The following SLC40A1 variants were observed in gnomAD, a reference collection of about 807,000 sequenced individuals.
The protein encoded by SLC40A1 is solute carrier family 40 member 1, also known as ferroportin.
A neutral mutation model predicts 53.5 loss-of-function variants in SLC40A1; 16 were observed. The ratio of observed to expected loss-of-function variants is 0.30; its 90% CI spans 0.20 to 0.45. The LOEUF is 0.45. SLC40A1 is among the 20% of genes least tolerant of loss of function. SLC40A1 has a pLI of 1.00. For missense variants in SLC40A1, 545 were observed against 695.4 expected (o/e 0.78, Z 2.43); for synonymous variants, 247 against 253.2 (o/e 0.98, Z 0.23).
Position 189,572,083 on chromosome 2 carries a change from AAT to A in SLC40A1, c.388-244_388-243del, listed in dbSNP as rs1193521763. Among the ~76,000 whole-genome samples the A allele has an allele frequency of 3.9e-5, 6 of 152,234 alleles. No homozygotes were observed. The East Asian group carries it at 1.2e-3, about 29-fold the overall frequency. On this transcript the variant is annotated intron_variant, in intron 4 of 7. Coordinates refer to ENST00000261024, the MANE Select transcript of SLC40A1 (RefSeq NM_014585.6). The stretch of plus-strand genomic sequence containing the variant: ...GTAGTACACATAATACAAAAATTAT[AAT>A]AGTCAGGTGAATACAGTTATAAAAT...
At chr2:189,580,334 A>C in intron 1 of SLC40A1, 84 bp downstream of exon 1, 3 of 1,342,240 alleles carry the variant, frequency 2.2e-6, no homozygotes, top group Non-Finnish European at 3.2e-6. Context: ...GCAGAGCCAC[A>C]TTCCTCCAGA....
At chr2:189,574,503 T>C (rs2031231307) in intron 3 of SLC40A1, among the ~76,000 whole-genome samples, 1 of 152,218 alleles carries the variant, frequency 6.6e-6, no homozygotes, top group African/African-American at 2.4e-5. Flanking sequence ...CATTATCAAC[T>C]GAGCAATTCA....
At chr2:189,578,223 T>C (rs2031352274) in intron 2 of SLC40A1, 1 of 994,750 alleles carries the variant, frequency 1.0e-6, no homozygotes, top group Non-Finnish European at 1.2e-6. Flanking sequence ...AATTACCTAG[T>C]GTTAGAGACA....
chr2:189,578,297 A>G, intron 2 of SLC40A1: 1 of 1,002,202 alleles, frequency 1.0e-6, no homozygotes, highest in Non-Finnish European at 1.2e-6. Context: ...ATATGATTGT[A>G]GTTGCTGCTG....
chr2:189,576,812 A>C (rs2031300199), intron 2 of SLC40A1, among the ~76,000 whole-genome samples: 1 of 151,992 alleles, frequency 6.6e-6, no homozygotes, highest in African/African-American at 2.4e-5. Flanking sequence ...CTTTTCTAAT[A>C]CTGTTGTTTC....
In SLC40A1 at chr2:189,563,574, G is replaced by T. The variant is rs748632086; in HGVS notation, c.1402+10C>A. The T allele has an allele frequency of 1.9e-5, 30 of 1,611,832 alleles. No individual in the cohort carries two copies. The highest frequency in any genetic ancestry group is 2.5e-5 in the Non-Finnish European group (29 of 1,178,912). ...TTTAGTTCATTAATATATAAAAAGA[G>T]ATTTCTTACCGATTCTAGCAGCAAT... On this transcript the variant is annotated intron_variant, in intron 7 of 7. Transcript: ENST00000261024.
At chr2:189,578,639 T>C (rs2031367304) in intron 2 of SLC40A1, among the ~76,000 whole-genome samples, 1 of 152,226 alleles carries the variant, frequency 6.6e-6, no homozygotes, top group Non-Finnish European at 1.5e-5. Flanking sequence ...AAACTATTGC[T>C]TTTTATTTAT....
intron 5 of SLC40A1, among the ~76,000 whole-genome samples, chr2:189,568,212 G>C (rs1453049092): frequency 6.6e-6 from 1 of 151,974 alleles, no homozygotes; most frequent in African/African-American, 2.4e-5. Context: ...ACTTAGGCCG[G>C]GTGCAGTGGC....
intron 7 of SLC40A1, among the ~76,000 whole-genome samples, chr2:189,563,217 G>A (rs1370070498): frequency 6.7e-6 from 1 of 150,032 alleles, no homozygotes; most frequent in African/African-American, 2.5e-5. Context: ...CGAGGCTGCA[G>A]TGAGCTGTGA....
In SLC40A1 at chr2:189,575,154, C is replaced by A; in HGVS notation, c.271+7G>T. The A allele has an allele frequency of 6.2e-7, 1 of 1,613,912 alleles. No homozygotes were observed. Among genetic ancestry groups the A allele is most frequent in the Non-Finnish European group, 8.5e-7 (1 of 1,179,862 alleles). ...ATAAAAGGGCTTAATTATATAACAA[C>A]ACTCACCTTTAAGTCTAGCATTCTT... On this transcript the variant is annotated splice_region_variant and intron_variant, in intron 3 of 7. Coordinates refer to ENST00000261024, the MANE Select transcript of SLC40A1 (RefSeq NM_014585.6).
At chr2:189,572,266 T>C (rs2031154674) in intron 4 of SLC40A1, among the ~76,000 whole-genome samples, 1 of 152,178 alleles carries the variant, frequency 6.6e-6, no homozygotes, top group Non-Finnish European at 1.5e-5. Flanking sequence ...TTTGTCTTAA[T>C]TTTTTCAATA....
intron 2 of SLC40A1, 106 bp downstream of exon 2, chr2:189,579,707 C>CT: frequency 1.0e-6 from 1 of 986,374 alleles, no homozygotes; most frequent in Non-Finnish European, 1.6e-6. Context: ...TGATTTATTT[C>CT]TTTAACTGCT....
rs1456036519 is a variant in SLC40A1 at position 189,563,617 on chromosome 2, G to T, written c.1369C>A (p.Leu457Met). The T allele has an allele frequency of 1.3e-5, 21 of 1,614,000 alleles. No individual in the cohort carries two copies. Among genetic ancestry groups the T allele is most frequent in the Non-Finnish European group, 1.7e-5 (20 of 1,180,010 alleles). ...GCAGCAATGACGCCTGCAAACAGCA[G>T]ACTGACAGAGATTATGGGCACAGAT... ...PESVPIISVS[L>M]LFAGVIAARI... The change falls in exon 7 of 8, where the codon CTG (leucine) becomes ATG (methionine). Residue 457 changes from leucine (L) to methionine (M), a missense_variant. Leu to Met is a conservative substitution (Grantham distance 15). Coordinates refer to ENST00000261024, the MANE Select transcript of SLC40A1 (RefSeq NM_014585.6).
At chr2:189,569,867 C>CTGTTT (rs1352145089) in intron 5 of SLC40A1, among the ~76,000 whole-genome samples, 1 of 152,034 alleles carries the variant, frequency 6.6e-6, no homozygotes, top group Non-Finnish European at 1.5e-5. Context: ...TGAGAAACGA[C>CTGTTT]CAGTCATATT....
At chr2:189,570,774 C>T (rs565843619) in intron 5 of SLC40A1, among the ~76,000 whole-genome samples, 35 of 152,320 alleles carry the variant, frequency 2.3e-4, no homozygotes, top group African/African-American at 8.2e-4. Context: ...CCAAACAAAG[C>T]TGCTTGCTAA....
intron 6 of SLC40A1, among the ~76,000 whole-genome samples, chr2:189,564,731 T>G (rs893617792): frequency 6.6e-6 from 1 of 152,092 alleles, no homozygotes; most frequent in Admixed American, 6.6e-5. Flanking sequence ...TCCCAGCTAC[T>G]TGGGAGGCTG....
intron 5 of SLC40A1, among the ~76,000 whole-genome samples, chr2:189,566,790 G>A (rs2030952247): frequency 6.6e-6 from 1 of 152,190 alleles, no homozygotes; most frequent in African/African-American, 2.4e-5. Context: ...TGAGGATGGG[G>A]GAGGAGGACT....
chr2:189,575,065 G>C, intron 3 of SLC40A1, 96 bp downstream of exon 3: 1 of 1,385,820 alleles, frequency 7.2e-7, no homozygotes, highest in Non-Finnish European at 1.0e-6. Flanking sequence ...ACATTCCCTG[G>C]TTGTTTCTCT....
chr2:189,574,151 C>A (rs1256092192), intron 3 of SLC40A1, among the ~76,000 whole-genome samples: 1 of 152,138 alleles, frequency 6.6e-6, no homozygotes, highest in Non-Finnish European at 1.5e-5. Flanking sequence ...TGTTATCCTA[C>A]CACACTTTTC....
Sources: gnomAD v4.1 joint callset for allele counts (sites outside exome capture counted in the v4.1 genomes callset) on GRCh38, gnomAD v4.1.1 for gene constraint, MANE v1.5 for transcripts, NCBI Gene and HGNC (gene_info 2026-07-23, HGNC 2026-07-21) for gene names.